ANKFN1: variants seen among roughly 807,000 people sequenced by gnomAD.
The protein encoded by ANKFN1 is ankyrin repeat and fibronectin type III domain containing 1.
ANKFN1 carries 74 observed loss-of-function variants against 108.7 expected under a neutral mutation model. That is an observed-to-expected ratio of 0.68 (90% confidence interval 0.56 to 0.83). The LOEUF (loss-of-function observed/expected upper bound fraction) is 0.83. ANKFN1 is among the 40% of genes least tolerant of loss of function. ANKFN1 has a pLI of 0.00. For missense variants in ANKFN1, 1,505 were observed against 1,382.3 expected, an observed-to-expected ratio of 1.09 and a Z score of -1.41; for synonymous variants, 547 against 516.2, an observed-to-expected ratio of 1.06 and a Z score of -0.81.
rs1911526118 is a variant in ANKFN1 at position 56,179,903 on chromosome 17, T to C, written c.-71+26373T>C. On this transcript the variant is annotated intron_variant, in intron 1 of 20. Transcript: ENST00000682825. Reference sequence around the variant, plus strand: ...AAGCTGACTTTGATTCAAGAAGCATTCATCGCACATTCTATTATATGAAAA... The same window carrying C: ...AAGCTGACTTTGATTCAAGAAGCATCCATCGCACATTCTATTATATGAAAA... Among the ~76,000 whole-genome samples the C allele has an allele frequency of 3.3e-5, 5 of 152,344 alleles. No individual in the cohort carries two copies. In the South Asian group the frequency reaches 1.0e-3, roughly 32 times the overall value.
At chr17:56,380,326 A>T (rs958483808) in intron 8 of ANKFN1, among the ~76,000 whole-genome samples, 1 of 152,214 alleles carries the variant, frequency 6.6e-6, no homozygotes, top group African/African-American at 2.4e-5. Flanking sequence ...GAATAGGAAC[A>T]GCTCCAGTCT....
intron 8 of ANKFN1, among the ~76,000 whole-genome samples, chr17:56,433,058 T>C (rs1049236901): frequency 2.0e-5 from 3 of 152,204 alleles, no homozygotes; most frequent in Non-Finnish European, 2.9e-5. Flanking sequence ...GACATATATA[T>C]GCATATAAGT....
At chr17:56,186,183 G>T (rs1251289019) in intron 1 of ANKFN1, among the ~76,000 whole-genome samples, 1 of 152,194 alleles carries the variant, frequency 6.6e-6, no homozygotes, top group Middle Eastern at 3.2e-3. Context: ...TTTGTGCATT[G>T]TGCATGCCCA....
At chr17:56,411,154 T>C (rs1424972749) in intron 8 of ANKFN1, among the ~76,000 whole-genome samples, 2 of 152,192 alleles carry the variant, frequency 1.3e-5, no homozygotes, top group East Asian at 3.8e-4. Flanking sequence ...TTTCCACCTA[T>C]GTTTTGTCTT....
At chr17:56,348,271 C>A (rs1340379304) in intron 4 of ANKFN1, among the ~76,000 whole-genome samples, 1 of 152,102 alleles carries the variant, frequency 6.6e-6, no homozygotes, top group Non-Finnish European at 1.5e-5. Flanking sequence ...ATACACATTA[C>A]AGACAATGCT....
rs150449645 is a variant in ANKFN1 at position 56,111,630 on chromosome 17, G to A, written c.288+65305G>A. Among the ~76,000 whole-genome samples the A allele has an allele frequency of 2.0e-3, 305 of 151,440 alleles. 2 individuals carry two copies. The highest frequency in any genetic ancestry group is 6.9e-3 in the African/African-American group (285 of 41,228). Reference sequence around the variant, plus strand: ...ACATACAAACAAACCCCCAAAATAAGCATCTTAGGTGACATCTCCCATAGT... The same window carrying A: ...ACATACAAACAAACCCCCAAAATAAACATCTTAGGTGACATCTCCCATAGT... On this transcript the variant is annotated intron_variant, in intron 4 of 12. Transcript: ENST00000635860.
intron 3 of ANKFN1, among the ~76,000 whole-genome samples, chr17:56,277,617 T>C (rs9914617): frequency 0.011 from 1,638 of 152,260 alleles, 16 homozygotes; most frequent in African/African-American, 0.038. Context: ...GTACAAAGTC[T>C]CATGATAATA....
intron 1 of ANKFN1, among the ~76,000 whole-genome samples, chr17:56,178,023 G>T (rs574643133): frequency 4.6e-5 from 7 of 152,280 alleles, no homozygotes; most frequent in African/African-American, 1.7e-4. Flanking sequence ...GTGTATTAAT[G>T]TAACCAGCCC....
intron 3 of ANKFN1, among the ~76,000 whole-genome samples, chr17:56,310,448 T>C (rs1011878834): frequency 6.6e-6 from 1 of 151,928 alleles, no homozygotes; most frequent in Non-Finnish European, 1.5e-5. Context: ...AAACCCCATC[T>C]CCACTAAAAA....
chr17:56,262,237 G>A (rs566897969), intron 3 of ANKFN1, among the ~76,000 whole-genome samples: 1 of 152,314 alleles, frequency 6.6e-6, no homozygotes, highest in East Asian at 1.9e-4. Flanking sequence ...CCTCAGGGCA[G>A]TCACCAGCCT....
At chr17:56,473,317 A>C (rs1422817093) in intron 15 of ANKFN1, 1 of 152,208 alleles carries the variant, frequency 6.6e-6, no homozygotes, top group Non-Finnish European at 1.5e-5. Flanking sequence ...AAAGCAGATT[A>C]GAGGTCAAAT....
intron 15 of ANKFN1, among the ~76,000 whole-genome samples, chr17:56,466,995 T>C (rs1438177846): frequency 6.6e-6 from 1 of 152,084 alleles, no homozygotes; most frequent in Non-Finnish European, 1.5e-5. Flanking sequence ...TGCACACTTA[T>C]AATCTCAGCT....
chr17:56,396,865 C>T (rs2047604195), intron 8 of ANKFN1, among the ~76,000 whole-genome samples: 1 of 151,944 alleles, frequency 6.6e-6, no homozygotes, highest in Non-Finnish European at 1.5e-5. Flanking sequence ...CTACACTATC[C>T]CACCAGCTTT....
intron 1 of ANKFN1, among the ~76,000 whole-genome samples, chr17:56,175,620 T>G (rs1053979317): frequency 1.3e-5 from 2 of 152,150 alleles, no homozygotes; most frequent in Non-Finnish European, 2.9e-5. Context: ...CCCACCTGCC[T>G]TCACTGGATA....
intron 4 of ANKFN1, among the ~76,000 whole-genome samples, chr17:56,114,348 A>C (rs982246693): frequency 6.6e-6 from 1 of 152,240 alleles, no homozygotes; most frequent in African/African-American, 2.4e-5. Flanking sequence ...CAGAAAGTAC[A>C]AATGGCTAAC....
At chr17:56,063,968 G>A (rs1905020669) in intron 4 of ANKFN1, among the ~76,000 whole-genome samples, 1 of 152,100 alleles carries the variant, frequency 6.6e-6, no homozygotes, top group African/African-American at 2.4e-5. Context: ...GTTGCTTTCT[G>A]TTTACTTTTC....
At chr17:56,188,581 G>GTATATA (rs61556880) in intron 1 of ANKFN1, among the ~76,000 whole-genome samples, 1,731 of 49,558 alleles carry the variant, frequency 0.035, 71 homozygotes, top group Non-Finnish European at 0.043. Flanking sequence ...GTGTGTGTGT[G>GTATATA]TATATATATA....
In ANKFN1 at chr17:56,482,478, C is replaced by T. The variant is rs2050743060; in HGVS notation, c.2214C>T (p.Thr738=). ...CTAPGQNNPY[T]PHSGFLNLPL... ...CCCCAGGACAGAATAATCCTTACACCCCACACTCAGGGTTTCTTAACCTCC... is the reference window on the plus strand; with the variant it reads ...CCCCAGGACAGAATAATCCTTACACTCCACACTCAGGGTTTCTTAACCTCC... Residue 738 remains threonine, a synonymous_variant, in exon 18 of 21, where the codon ACC becomes ACT. Transcript: ENST00000682825. The T allele has an allele frequency of 6.2e-7, 1 of 1,613,312 alleles. No homozygotes were observed. Among genetic ancestry groups the T allele is most frequent in the Non-Finnish European group, 8.5e-7 (1 of 1,179,606 alleles).
At chr17:56,115,591 T>G (rs1228029489) in intron 4 of ANKFN1, among the ~76,000 whole-genome samples, 1 of 152,080 alleles carries the variant, frequency 6.6e-6, no homozygotes, top group Non-Finnish European at 1.5e-5. Context: ...TTTGAAAAAT[T>G]TATTCCTTAT....
Sources: gnomAD v4.1 joint callset for allele counts (sites outside exome capture counted in the v4.1 genomes callset) on GRCh38, gnomAD v4.1.1 for gene constraint, MANE v1.5 for transcripts, NCBI Gene and HGNC (gene_info 2026-07-23, HGNC 2026-07-21) for gene names.